Variants in CYRIB observed in about 807,000 individuals in gnomAD.
The protein encoded by CYRIB is CYFIP related Rac1 interactor B.
A neutral mutation model predicts 44.2 loss-of-function variants in CYRIB; 8 were observed. The ratio of observed to expected loss-of-function variants is 0.18; its 90% CI spans 0.11 to 0.33. The LOEUF (loss-of-function observed/expected upper bound fraction) is 0.33. Among genes scored for constraint, CYRIB ranks in the 10% least tolerant of loss-of-function variants. The probability of loss-of-function intolerance (pLI) is 1.00; values close to 1 mark genes in which losing one functional copy is unlikely to be tolerated. For synonymous variants in CYRIB, 131 were observed against 127.2 expected (o/e 1.03, Z -0.20); for missense variants, 185 against 382.8 (o/e 0.48, Z 4.31).
chr8:130,000,723 A>G (rs1435766672), intron 1 of CYRIB, among the ~76,000 whole-genome samples: 1 of 151,702 alleles, frequency 6.6e-6, no homozygotes, highest in Non-Finnish European at 1.5e-5. Context: ...AAATATGTCA[A>G]TTTAAATTAT....
intron 2 of CYRIB, among the ~76,000 whole-genome samples, chr8:129,959,059 C>CAAAAAAAAAAAAAAAA: frequency 1.5e-5 from 1 of 68,358 alleles, no homozygotes; most frequent in Non-Finnish European, 3.1e-5. Context: ...GACTCTGTCT[C>CAAAAAAAAAAAAAAAA]AAAAAAAAAA....
intron 2 of CYRIB, among the ~76,000 whole-genome samples, chr8:129,900,967 C>T (rs1303084263): frequency 6.6e-6 from 1 of 152,238 alleles, no homozygotes; most frequent in African/African-American, 2.4e-5. Flanking sequence ...TGCCACCACG[C>T]GCCCAGCCCT....
intron 1 of CYRIB, among the ~76,000 whole-genome samples, chr8:129,930,326 T>C (rs2090483049): frequency 9.0e-6 from 1 of 111,264 alleles, no homozygotes; most frequent in African/African-American, 3.3e-5. Flanking sequence ...CACAAAAAGT[T>C]CCACTTGCAG....
intron 1 of CYRIB, among the ~76,000 whole-genome samples, chr8:129,934,265 G>A (rs1037093793): frequency 2.6e-5 from 4 of 152,138 alleles, no homozygotes; most frequent in Non-Finnish European, 5.9e-5. Context: ...CCAGCCTGAT[G>A]TTCCTATTTC....
chr8:129,918,608 G>C (rs2081963262), intron 1 of CYRIB, among the ~76,000 whole-genome samples: 2 of 152,156 alleles, frequency 1.3e-5, no homozygotes, highest in Admixed American at 6.6e-5. Context: ...AATCTTCTCT[G>C]TAGGCCTCAC....
chr8:129,938,567 G>A (rs2093222716), intron 1 of CYRIB, among the ~76,000 whole-genome samples: 1 of 152,144 alleles, frequency 6.6e-6, no homozygotes, highest in South Asian at 2.1e-4. Context: ...GGCACTTTGT[G>A]GTACTCCAAG....
intron 1 of CYRIB, among the ~76,000 whole-genome samples, chr8:129,917,744 C>A (rs968256285): frequency 6.6e-6 from 1 of 152,064 alleles, no homozygotes; most frequent in African/African-American, 2.4e-5. Context: ...GTAACCCCAG[C>A]TACTCAGGAG....
intron 1 of CYRIB, among the ~76,000 whole-genome samples, chr8:129,938,755 T>C (rs1247941375): frequency 6.6e-6 from 1 of 152,042 alleles, no homozygotes; most frequent in Admixed American, 6.6e-5. Context: ...GAATACTAAT[T>C]TTCTGCCAAA....
chr8:129,928,324 GA>G (rs1184855913), intron 1 of CYRIB, among the ~76,000 whole-genome samples: 3,266 of 52,640 alleles, frequency 0.062, 100 homozygotes, highest in African/African-American at 0.17. Context: ...CATCTCTTAA[GA>G]AAAAAAAAAA....
intron 1 of CYRIB, among the ~76,000 whole-genome samples, chr8:130,010,919 C>T (rs574535040): frequency 6.6e-6 from 1 of 152,282 alleles, no homozygotes; most frequent in African/African-American, 2.4e-5. Context: ...CACCCTGCCC[C>T]AGCCCCTGCT....
chr8:129,972,327 G>C (rs1270204701), intron 1 of CYRIB, among the ~76,000 whole-genome samples: 1 of 152,142 alleles, frequency 6.6e-6, no homozygotes, highest in Non-Finnish European at 1.5e-5. Flanking sequence ...GGCCAGGCAC[G>C]GTGGCTCACC....
At chr8:129,966,257 A>G (rs1197497186) in intron 2 of CYRIB, among the ~76,000 whole-genome samples, 1 of 152,228 alleles carries the variant, frequency 6.6e-6, no homozygotes, top group Non-Finnish European at 1.5e-5. Flanking sequence ...ACACACATTT[A>G]TAACTATAGG....
At chr8:129,845,573 T>A (rs1217838458) in intron 11 of CYRIB, among the ~76,000 whole-genome samples, 1 of 152,270 alleles carries the variant, frequency 6.6e-6, no homozygotes, top group Non-Finnish European at 1.5e-5. Context: ...TTCAGGCAGC[T>A]ACCGCTTATG....
chr8:129,917,460 C>T (rs2081308770), intron 1 of CYRIB, among the ~76,000 whole-genome samples: 1 of 152,192 alleles, frequency 6.6e-6, no homozygotes, highest in Non-Finnish European at 1.5e-5. Flanking sequence ...GATCACATAT[C>T]TACACATCAT....
intron 1 of CYRIB, among the ~76,000 whole-genome samples, chr8:129,910,806 C>T (rs1214837186): frequency 2.0e-5 from 3 of 152,110 alleles, no homozygotes; most frequent in African/African-American, 7.2e-5. Flanking sequence ...TAAAAACAAA[C>T]AAGAGAAACA....
intron 1 of CYRIB, among the ~76,000 whole-genome samples, chr8:129,910,117 T>C (rs1208560441): frequency 1.3e-5 from 2 of 152,156 alleles, no homozygotes; most frequent in East Asian, 3.9e-4. Flanking sequence ...TAGGTGCTAG[T>C]ATGGGTTTAT....
chr8:129,842,448 T>C (rs557102333), intron 11 of CYRIB, among the ~76,000 whole-genome samples: 2 of 152,214 alleles, frequency 1.3e-5, no homozygotes, highest in Admixed American at 1.3e-4. Flanking sequence ...GCTGAAATGA[T>C]TGGTTGACCT....
intron 2 of CYRIB, among the ~76,000 whole-genome samples, chr8:129,959,635 A>C (rs2095117166): frequency 6.6e-6 from 1 of 152,136 alleles, no homozygotes; most frequent in Non-Finnish European, 1.5e-5. Context: ...AAAAATAAGA[A>C]AAAGGTGAGT....
chr8:130,010,899 T>C (rs1347497432), intron 1 of CYRIB, among the ~76,000 whole-genome samples: 1 of 152,104 alleles, frequency 6.6e-6, no homozygotes, highest in African/African-American at 2.4e-5. Flanking sequence ...GTGTTCAAAA[T>C]GCAGCATCTC....
Sources: allele counts gnomAD v4.1 joint callset (sites outside exome capture counted in the v4.1 genomes callset), GRCh38; gene constraint gnomAD v4.1.1; transcripts MANE v1.5; gene names NCBI Gene and HGNC (gene_info 2026-07-23, HGNC 2026-07-21).